FAM135A: variants seen among roughly 807,000 people sequenced by gnomAD.
FAM135A encodes protein FAM135A.
FAM135A carries 79 observed loss-of-function variants against 146.8 expected under a neutral mutation model. The observed-to-expected ratio is 0.54, with a 90% CI of 0.45 to 0.65. The LOEUF (loss-of-function observed/expected upper bound fraction) is 0.65. Ranked by LOEUF, FAM135A falls within the 30% of genes least tolerant of loss-of-function variation. The probability of loss-of-function intolerance (pLI) is 0.00; values close to 1 mark genes in which losing one functional copy is unlikely to be tolerated. For missense variants in FAM135A, 1,623 were observed against 1,758.2 expected, an observed-to-expected ratio of 0.92 and a Z score of 1.38; for synonymous variants, 562 against 603.6, an observed-to-expected ratio of 0.93 and a Z score of 1.01.
chr6:70,506,717 T>C (rs1379081878), intron 12 of FAM135A, among the ~76,000 whole-genome samples: 1 of 150,016 alleles, frequency 6.7e-6, no homozygotes, highest in Non-Finnish European at 1.5e-5. Context: ...TTTTTTCTCT[T>C]TTTTTTTTAT....
Position 70,526,752 on chromosome 6 carries a change from C to T in FAM135A, c.3614+54C>T, listed in dbSNP as rs878980516. 4.3e-3 allele frequency: 2,475 copies of T among 579,172 alleles called. 12 individuals are homozygous for T. Among genetic ancestry groups the T allele is most frequent in the African/African-American group, 0.023 (684 of 30,158 alleles). 35.9% of individuals were successfully genotyped at this position (579,172 alleles called of 1,614,324 possible). A position where few individuals can be genotyped will look rare whatever the true frequency, so the allele number is the denominator to read the frequency against. ...TGCTAAATATATACATATATATATA[C>T]ACACACACACACATACACACACACA... On this transcript the variant is annotated intron_variant, in intron 15 of 21. Coordinates refer to ENST00000418814, the MANE Select transcript of FAM135A (RefSeq NM_001162529.3).
chr6:70,523,712 G>C (rs1474913502), intron 13 of FAM135A, among the ~76,000 whole-genome samples: 1 of 152,096 alleles, frequency 6.6e-6, no homozygotes, highest in East Asian at 1.9e-4. Context: ...ACATAAGAAA[G>C]TATGGAAGAA....
At chr6:70,527,447 G>A (rs1428555899) in intron 15 of FAM135A, among the ~76,000 whole-genome samples, 1 of 152,112 alleles carries the variant, frequency 6.6e-6, no homozygotes, top group East Asian at 1.9e-4. Flanking sequence ...TCTAAAGCTA[G>A]TGAAACCACT....
At chr6:70,547,229 TCTTAGGTATCA>T (rs1299300895) in intron 20 of FAM135A, among the ~76,000 whole-genome samples, 1 of 152,158 alleles carries the variant, frequency 6.6e-6, no homozygotes, top group East Asian at 1.9e-4. Flanking sequence ...AGGGATTTAA[TCTTAGGTATCA>T]CTTTTGATAT....
Position 70,524,078 on chromosome 6 carries a change from A to C in FAM135A, c.1215A>C (p.Leu405Phe). 6.2e-7 allele frequency: 1 copy of C among 1,612,484 alleles called. No individual in the cohort carries two copies. Among genetic ancestry groups the C allele is most frequent in the Non-Finnish European group, 8.5e-7 (1 of 1,179,092 alleles). The change falls in exon 14 of 22, where the codon TTA becomes TTC. Residue 405 changes from leucine (L) to phenylalanine (F), a missense_variant. Leu to Phe is a conservative substitution (Grantham distance 22, BLOSUM62 0). Around this residue, in one of 7 missense-constraint regions of FAM135A, gnomAD observed 1,061 missense variants for 1,113.8 expected, o/e 0.95. Coordinates refer to ENST00000418814, the MANE Select transcript of FAM135A (RefSeq NM_001162529.3). ...CSELDGDLNS[L>F]PIIFEDRYLD... Reference sequence around the variant, plus strand: ...AATTAGATGGAGATCTCAATTCATTACCTATAATCTTTGAAGATAGGTATT... The same window carrying C: ...AATTAGATGGAGATCTCAATTCATTCCCTATAATCTTTGAAGATAGGTATT...
chr6:70,529,182 A>T (rs1795300350), intron 16 of FAM135A, among the ~76,000 whole-genome samples: 1 of 152,044 alleles, frequency 6.6e-6, no homozygotes, highest in Non-Finnish European at 1.5e-5. Context: ...TTAAAATTTC[A>T]TTAATTAAGT....
At chr6:70,416,780 A>G (rs937724997) in intron 2 of FAM135A, among the ~76,000 whole-genome samples, 2 of 152,140 alleles carry the variant, frequency 1.3e-5, no homozygotes, top group East Asian at 3.9e-4. Flanking sequence ...AAGAAAGAGG[A>G]ATAAGAAGCA....
At chr6:70,450,369 TTG>T (rs994972256) in intron 4 of FAM135A, among the ~76,000 whole-genome samples, 20 of 152,300 alleles carry the variant, frequency 1.3e-4, no homozygotes, top group African/African-American at 4.6e-4. Flanking sequence ...AGATTTCCTC[TTG>T]TGTTTTCTTC....
intron 2 of FAM135A, among the ~76,000 whole-genome samples, chr6:70,419,979 T>G (rs1768444197): frequency 6.6e-6 from 1 of 152,174 alleles, no homozygotes; most frequent in African/African-American, 2.4e-5. Context: ...GCGTTTTTAA[T>G]TCGGTCTGTA....
At chr6:70,495,768 A>G (rs9455132) in intron 11 of FAM135A, among the ~76,000 whole-genome samples, 43,742 of 151,898 alleles carry the variant, frequency 0.29, 8,515 homozygotes, top group African/African-American at 0.55. Flanking sequence ...GGTATTTTTC[A>G]TAATGCTATC....
intron 5 of FAM135A, among the ~76,000 whole-genome samples, chr6:70,468,325 A>G (rs531491209): frequency 3.0e-4 from 46 of 152,342 alleles, no homozygotes; most frequent in African/African-American, 9.1e-4. Context: ...TAGAACATAC[A>G]GTACATTTAT....
intron 10 of FAM135A, among the ~76,000 whole-genome samples, chr6:70,484,531 C>G (rs1176733328): frequency 6.6e-6 from 1 of 152,164 alleles, no homozygotes; most frequent in Non-Finnish European, 1.5e-5. Context: ...GGACCAGTTT[C>G]TTGGAAGACA....
At chr6:70,449,002 A>C (rs1316978599) in intron 4 of FAM135A, among the ~76,000 whole-genome samples, 7 of 152,192 alleles carry the variant, frequency 4.6e-5, no homozygotes, top group African/African-American at 1.7e-4. Context: ...GTTAATGGCC[A>C]GTTTTGGAGC....
At chr6:70,489,481 CG>C (rs1785429265) in intron 10 of FAM135A, among the ~76,000 whole-genome samples, 1 of 151,896 alleles carries the variant, frequency 6.6e-6, no homozygotes, top group African/African-American at 2.4e-5. Flanking sequence ...TTTATGTTAC[CG>C]GGTGGGGTAC....
intron 20 of FAM135A, 62 bp from the exon 21 acceptor site, chr6:70,556,688 C>T (rs1442734456): frequency 1.8e-6 from 2 of 1,132,638 alleles, no homozygotes; most frequent in African/African-American, 1.6e-5. Context: ...TAATATGATA[C>T]TAATAACTTG....
chr6:70,536,133 C>A, intron 18 of FAM135A, 127 bp from the exon 19 acceptor site: 1 of 826,150 alleles, frequency 1.2e-6, no homozygotes, highest in Non-Finnish European at 1.8e-6. Flanking sequence ...CAAAGTATCA[C>A]TATACTTTTA....
chr6:70,525,961 C>G lies in FAM135A; in HGVS notation c.2877C>G (p.Asn959Lys), dbSNP rs756578298. ...TCCAGAGTCCTGATAAATCTAATAA[C>G]TCTACAGGGACAGCAATTACATTAA... ...KGFQSPDKSN[N>K]STGTAITLNS... Residue 959 changes from asparagine (N) to lysine (K), a missense_variant, in exon 15 of 22, where the codon AAC becomes AAG. Asn to Lys is a moderately conservative substitution (Grantham distance 94, BLOSUM62 0). This residue lies in a region of FAM135A where 1,061 missense variants were observed against 1,113.8 expected (regional missense o/e 0.95). Coordinates refer to ENST00000418814, the MANE Select transcript of FAM135A (RefSeq NM_001162529.3). 1 of 1,613,392 alleles carries G rather than the reference C, an allele frequency of 6.2e-7. No individual in the cohort carries two copies. Among genetic ancestry groups the G allele is most frequent in the Admixed American group, 1.7e-5 (1 of 59,950 alleles).
At chr6:70,414,116 C>G (rs1201589252) in intron 1 of FAM135A, 15 of 882,310 alleles carry the variant, frequency 1.7e-5, no homozygotes, top group Admixed American at 6.2e-5. Context: ...TCTTTTTGCC[C>G]GGGTGGTCCC....
chr6:70,480,588 A>G (rs1205957843), intron 8 of FAM135A, among the ~76,000 whole-genome samples: 1 of 152,148 alleles, frequency 6.6e-6, no homozygotes, highest in Non-Finnish European at 1.5e-5. Context: ...GGATTTCCAA[A>G]TTCAAGCTTG....
Sources: allele counts gnomAD v4.1 joint callset (sites outside exome capture counted in the v4.1 genomes callset), GRCh38; gene constraint gnomAD v4.1.1; regional missense constraint gnomAD v4.1.1; transcripts MANE v1.5; gene names NCBI Gene and HGNC (gene_info 2026-07-23, HGNC 2026-07-21).